The following ANKRD26 variants were observed in gnomAD, a reference collection of about 807,000 sequenced individuals.
ANKRD26 encodes the protein ankyrin repeat domain 26.
A neutral mutation model predicts 208.7 loss-of-function variants in ANKRD26; 141 were observed. The ratio of observed to expected loss-of-function variants is 0.68; its 90% CI spans 0.59 to 0.78. ANKRD26 has a LOEUF of 0.78. ANKRD26 is among the 30% of genes least tolerant of loss of function. The pLI, the probability that ANKRD26 is intolerant of heterozygous loss-of-function variation, is 0.00. For missense variants in ANKRD26, 1,889 were observed against 1,938.7 expected, an observed-to-expected ratio of 0.97 and a Z score of 0.48; for synonymous variants, 636 against 660.4, an observed-to-expected ratio of 0.96 and a Z score of 0.57.
the ANKRD26 span, among the ~76,000 whole-genome samples, chr10:26,957,136 G>A: frequency 9.1e-4 from 138 of 152,274 alleles, no homozygotes; most frequent in African/African-American, 2.6e-3. Flanking sequence ...AGCCAGGTGC[G>A]GTGGCTCACG....
intron 4 of ANKRD26, among the ~76,000 whole-genome samples, chr10:27,087,255 C>T (rs1589368456): frequency 6.6e-6 from 1 of 151,950 alleles, no homozygotes; most frequent in Admixed American, 6.6e-5. Context: ...AGAGGCTTCC[C>T]TTAGGCTCAA....
intron 32 of ANKRD26, among the ~76,000 whole-genome samples, chr10:27,009,995 C>A (rs900960790): frequency 1.3e-5 from 2 of 152,150 alleles, no homozygotes; most frequent in African/African-American, 4.8e-5. Context: ...CTATGTCCCA[C>A]AGAAATCTAA....
Position 27,086,608 on chromosome 10 carries a change from TG to T in ANKRD26, c.639del (p.Ser213ArgfsTer5). ...TTATATTCTGAAATTAGTTGGTGACTGCTATGTATAGAAAAATGTAACAAAA... is the reference window on the plus strand; with the variant it reads ...TTATATTCTGAAATTAGTTGGTGACTCTATGTATAGAAAAATGTAACAAAA... ...ANVNAVDKLESSHQLISEYKE... is the reference protein window; with the variant it reads ...ANVNAVDKLEXSHQLISEYKE... On this transcript the variant is annotated frameshift_variant and splice_region_variant, in exon 5 of 34. Transcript: ENST00000376087. LOFTEE classifies it high-confidence loss of function. 6.2e-7 allele frequency: 1 copy of T among 1,602,104 alleles called. No individual in the cohort carries two copies. Among genetic ancestry groups the T allele is most frequent in the Non-Finnish European group, 8.5e-7 (1 of 1,173,512 alleles).
intron 25 of ANKRD26, chr10:27,030,298 T>C: frequency 2.3e-6 from 2 of 860,740 alleles, no homozygotes; most frequent in Non-Finnish European, 2.8e-6. Context: ...CGACAGTACT[T>C]TAAACAATTA....
intron 3 of ANKRD26, among the ~76,000 whole-genome samples, chr10:26,984,998 G>A (rs1270711052): frequency 1.3e-5 from 2 of 152,130 alleles, no homozygotes; most frequent in African/African-American, 4.8e-5. Context: ...GAAGTTCAGA[G>A]GGGACTTCAC....
chr10:27,079,152 G>C lies in ANKRD26; in HGVS notation c.750C>G (p.Gly250=), dbSNP rs768980660. The C allele has an allele frequency of 1.2e-6, 2 of 1,613,306 alleles. No individual in the cohort carries two copies. The highest frequency in any genetic ancestry group is 1.1e-5 in the South Asian group (1 of 91,060). ...GCCATGAATCATCAACACCCGGTTT[G>C]CCAGAAAGCCTTTAGAACAAAAATA... The part of the protein sequence containing the change: ...SSEDSLSRLS[G]KPGVDDSWPT... The change falls in exon 7 of 34, where the codon GGC becomes GGG. Residue 250 remains glycine (G), a synonymous_variant. Coordinates refer to ENST00000376087, the MANE Select transcript of ANKRD26 (RefSeq NM_014915.3).
Position 27,040,095 on chromosome 10 carries a change from G to T in ANKRD26, c.2245C>A (p.Leu749Ile). 2 of 1,612,188 alleles carry T rather than the reference G, an allele frequency of 1.2e-6. No homozygotes were observed. Among genetic ancestry groups the T allele is most frequent in the South Asian group, 1.1e-5 (1 of 91,024 alleles). ...LELKKNHCEL[L>I]TVKIKKMEDK... ...TCCATTTTTTTAATTTTTACTGTAA[G>T]TAGTTCACAGTGATTTTTTTTAAGT... The change falls in exon 21 of 34, where the codon CTT becomes ATT. Residue 749 changes from leucine (L) to isoleucine (I), a missense_variant. This residue lies in a region of ANKRD26 where 1,272 missense variants were observed against 1,273.8 expected (regional missense o/e 1.00). Transcript: ENST00000376087.
intron 12 of ANKRD26, among the ~76,000 whole-genome samples, chr10:27,063,483 G>C (rs765499437): frequency 6.6e-6 from 1 of 151,832 alleles, no homozygotes; most frequent in East Asian, 1.9e-4. Flanking sequence ...ACCACACCCA[G>C]CTAATTTTTG....
intron 1 of ANKRD26, 40 bp from the exon 2 acceptor site, chr10:27,093,839 T>G: frequency 7.2e-7 from 1 of 1,396,774 alleles, no homozygotes; most frequent in Non-Finnish European, 1.0e-6. Context: ...TGTAGTGCAC[T>G]GTCTCAAAAC....
chr10:27,022,726 A>G (rs144498168), intron 28 of ANKRD26, 39 bp from the exon 29 acceptor site: 2 of 1,540,676 alleles, frequency 1.3e-6, no homozygotes, highest in African/African-American at 1.4e-5. Flanking sequence ...AAGTTTTAAA[A>G]AGGCAAACAT....
intron 4 of ANKRD26, among the ~76,000 whole-genome samples, chr10:26,980,952 C>T (rs942653243): frequency 3.9e-5 from 6 of 152,154 alleles, no homozygotes; most frequent in Non-Finnish European, 8.8e-5. Flanking sequence ...TGTTGGCCTC[C>T]TGTAAGGAGG....
chr10:26,965,225 C>CA, the ANKRD26 span, among the ~76,000 whole-genome samples: 4 of 152,254 alleles, frequency 2.6e-5, no homozygotes, highest in Non-Finnish European at 5.9e-5. Context: ...TACCTGACTT[C>CA]AAACTATACT....
At chr10:26,964,978 T>C in the ANKRD26 span, among the ~76,000 whole-genome samples, 1 of 152,156 alleles carries the variant, frequency 6.6e-6, no homozygotes, top group Non-Finnish European at 1.5e-5. Flanking sequence ...CTCACACCTG[T>C]AATCCCAGCA....
intron 12 of ANKRD26, among the ~76,000 whole-genome samples, chr10:27,063,609 C>T (rs1215366368): frequency 2.6e-5 from 4 of 152,188 alleles, no homozygotes; most frequent in Admixed American, 6.5e-5. Context: ...GCATAAGCCA[C>T]GCGCCTGGCC....
chr10:26,995,716 T>G (rs114400334), intron 4 of ANKRD26, among the ~76,000 whole-genome samples: 60 of 152,294 alleles, frequency 3.9e-4, no homozygotes, highest in African/African-American at 1.4e-3. Context: ...CCCCAAATAT[T>G]TGACTTGGGG....
intron 25 of ANKRD26, among the ~76,000 whole-genome samples, chr10:27,030,817 G>A (rs2053841105): frequency 6.6e-6 from 1 of 151,984 alleles, no homozygotes; most frequent in Non-Finnish European, 1.5e-5. Context: ...TCTCAAAGAA[G>A]AAATTCTTAG....
chr10:26,966,450 G>C, the ANKRD26 span, among the ~76,000 whole-genome samples: 2 of 152,104 alleles, frequency 1.3e-5, no homozygotes, highest in East Asian at 3.9e-4. Flanking sequence ...ATGGATACAG[G>C]GAGGGAAACA....
chr10:27,055,585 A>G (rs986813963), intron 15 of ANKRD26, among the ~76,000 whole-genome samples: 1 of 152,224 alleles, frequency 6.6e-6, no homozygotes, highest in Non-Finnish European at 1.5e-5. Flanking sequence ...GCAGTTAATC[A>G]ACAGACTGGG....
downstream of ANKRD26, among the ~76,000 whole-genome samples, chr10:26,970,465 G>T (rs191567986): frequency 1.3e-4 from 20 of 152,218 alleles, 1 homozygote; most frequent in East Asian, 3.9e-3. Flanking sequence ...ACCTCATGCT[G>T]TCTCTCAATA....
Sources: allele counts gnomAD v4.1 joint callset (sites outside exome capture counted in the v4.1 genomes callset), GRCh38; gene constraint gnomAD v4.1.1; regional missense constraint gnomAD v4.1.1; transcripts MANE v1.5; gene names NCBI Gene and HGNC (gene_info 2026-07-23, HGNC 2026-07-21).